Variants in ATG13 observed in about 807,000 individuals in gnomAD.
ATG13 encodes autophagy-related protein 13.
ATG13 carries 23 observed loss-of-function variants against 65.5 expected under a neutral mutation model. The observed-to-expected ratio is 0.35, with a 90% CI of 0.25 to 0.50. The LOEUF is 0.50. Among genes scored for constraint, ATG13 ranks in the 20% least tolerant of loss-of-function variants. ATG13 has a pLI of 0.98. For synonymous variants in ATG13, 252 were observed against 245.2 expected (o/e 1.03, Z -0.26); for missense variants, 566 against 677.0 (o/e 0.84, Z 1.82).
chr11:46,623,418 GTTTTTT>G (rs1293758721), intron 1 of ATG13, among the ~76,000 whole-genome samples: 4 of 151,926 alleles, frequency 2.6e-5, no homozygotes, highest in African/African-American at 4.8e-5. Flanking sequence ...AACTAGTTTT[GTTTTTT>G]TGTTTTTGTT....
intron 1 of ATG13, among the ~76,000 whole-genome samples, chr11:46,622,716 T>G (rs2048146995): frequency 6.6e-6 from 1 of 152,208 alleles, no homozygotes; most frequent in East Asian, 1.9e-4. Flanking sequence ...TTTTATAATG[T>G]GTATTTTTCT....
chr11:46,667,210 T>C (rs1460054351), intron 14 of ATG13, among the ~76,000 whole-genome samples: 1 of 152,120 alleles, frequency 6.6e-6, no homozygotes, highest in African/African-American at 2.4e-5. Context: ...CCACCTTGAA[T>C]CCCCGTTTTT....
chr11:46,672,211 G>T, intron 18 of ATG13, 44 bp from the exon 19 acceptor site: 5 of 1,613,740 alleles, frequency 3.1e-6, no homozygotes, highest in Admixed American at 1.7e-5. Context: ...GCCTCCTCAA[G>T]GCCCTGCCTG....
At chr11:46,644,585 A>ATT (rs199576150) in intron 3 of ATG13, among the ~76,000 whole-genome samples, 13 of 144,070 alleles carry the variant, frequency 9.0e-5, no homozygotes, top group South Asian at 4.4e-4. Context: ...CAAAAAAAAA[A>ATT]TTTTTTTTTT....
intron 2 of ATG13, among the ~76,000 whole-genome samples, chr11:46,643,470 T>C (rs1305783482): frequency 6.6e-6 from 1 of 152,182 alleles, no homozygotes; most frequent in Non-Finnish European, 1.5e-5. Context: ...CTCAATCCTT[T>C]GGAAAACTGG....
intron 18 of ATG13, among the ~76,000 whole-genome samples, chr11:46,670,204 C>T (rs1389444764): frequency 3.3e-5 from 5 of 152,132 alleles, no homozygotes; most frequent in African/African-American, 1.2e-4. Flanking sequence ...CAGTAATAGC[C>T]AGGTGCAGTG....
chr11:46,633,590 G>A (rs995968067), intron 2 of ATG13, among the ~76,000 whole-genome samples: 3 of 151,830 alleles, frequency 2.0e-5, no homozygotes, highest in Admixed American at 2.0e-4. Flanking sequence ...TAGGTGATCC[G>A]CCTGCCTCTG....
chr11:46,645,993 A>G lies in ATG13; in HGVS notation c.270+4A>G. The G allele has an allele frequency of 1.9e-6, 3 of 1,614,066 alleles. No homozygotes were observed. The highest frequency in any genetic ancestry group is 2.5e-6 in the Non-Finnish European group (3 of 1,179,952). On this transcript the variant is annotated splice_donor_region_variant and intron_variant, in intron 5 of 18. Transcript: ENST00000683050. Reference sequence around the variant, plus strand: ...GATTTCACTTAAGACTTCTGAGGTAAGGCTATGGCCAGGTTGGTGTCTTCA... The same window carrying G: ...GATTTCACTTAAGACTTCTGAGGTAGGGCTATGGCCAGGTTGGTGTCTTCA...
At chr11:46,637,162 T>C (rs2054261000) in intron 2 of ATG13, among the ~76,000 whole-genome samples, 1 of 152,242 alleles carries the variant, frequency 6.6e-6, no homozygotes, top group South Asian at 2.1e-4. Context: ...TTTTTGGTGA[T>C]GGTTTTACCA....
chr11:46,624,005 C>T (rs1416788094), intron 1 of ATG13, among the ~76,000 whole-genome samples: 1 of 148,904 alleles, frequency 6.7e-6, no homozygotes, highest in Non-Finnish European at 1.5e-5. Flanking sequence ...TTATCAAATT[C>T]AGGAATTTTT....
chr11:46,630,568 C>CT (rs35243801), intron 2 of ATG13, among the ~76,000 whole-genome samples: 2,484 of 120,686 alleles, frequency 0.021, 104 homozygotes, highest in South Asian at 0.065. Flanking sequence ...AAATTAGAGG[C>CT]TTTTTTTTTT....
At chr11:46,661,144 G>T (rs1431617291) in intron 11 of ATG13, among the ~76,000 whole-genome samples, 1 of 152,102 alleles carries the variant, frequency 6.6e-6, no homozygotes, top group Non-Finnish European at 1.5e-5. Flanking sequence ...TCCCACCTCA[G>T]TCTCCCAAGT....
intron 17 of ATG13, 58 bp downstream of exon 17, chr11:46,668,968 A>G (rs2063067153): frequency 7.5e-7 from 1 of 1,338,662 alleles, no homozygotes; most frequent in African/African-American, 1.4e-5. Flanking sequence ...ACCTAGAAGC[A>G]TCTACTGCAC....
In ATG13 at chr11:46,668,559, G is replaced by C. The variant is rs1271090691; in HGVS notation, c.1312G>C (p.Glu438Gln). The stretch of plus-strand genomic sequence containing the variant: ...GTTTGCTCCCAAGAATTTGGAGCTG[G>C]AGGATACCGATCCAATGGTGAGCCC... ...AMFAPKNLELEDTDPMVNPPD... is the reference protein window; with the variant it reads ...AMFAPKNLELQDTDPMVNPPD... The change falls in exon 16 of 19, where the codon GAG (glutamate) becomes CAG (glutamine). Residue 438 changes from glutamate (E) to glutamine (Q), a missense_variant. Around this residue, in one of 2 missense-constraint regions of ATG13, gnomAD observed 387 missense variants for 409.8 expected, o/e 0.94. Transcript: ENST00000683050. 6.2e-7 allele frequency: 1 copy of C among 1,614,182 alleles called. No homozygotes were observed. The highest frequency in any genetic ancestry group is 1.1e-5 in the South Asian group (1 of 91,088).
chr11:46,652,202 C>G (rs1270824789), intron 7 of ATG13, among the ~76,000 whole-genome samples: 3 of 151,994 alleles, frequency 2.0e-5, no homozygotes, highest in Non-Finnish European at 2.9e-5. Context: ...GAACCAAGAT[C>G]ACACCACTGC....
intron 11 of ATG13, among the ~76,000 whole-genome samples, chr11:46,662,536 A>G (rs1457717459): frequency 1.3e-5 from 2 of 152,170 alleles, no homozygotes; most frequent in African/African-American, 2.4e-5. Context: ...TCTTATTGCA[A>G]TTTAAAACTA....
chr11:46,647,148 T>A (rs928925490), intron 5 of ATG13, among the ~76,000 whole-genome samples: 21 of 152,196 alleles, frequency 1.4e-4, no homozygotes, highest in African/African-American at 5.1e-4. Context: ...CTCTAGAAAC[T>A]TTCCCCCTTT....
At chr11:46,670,092 C>T (rs1427235516) in intron 18 of ATG13, among the ~76,000 whole-genome samples, 1 of 152,172 alleles carries the variant, frequency 6.6e-6, no homozygotes, top group African/African-American at 2.4e-5. Context: ...GGAGATGTCC[C>T]TCTTTGAGGT....
intron 18 of ATG13, 72 bp from the exon 19 acceptor site, chr11:46,672,183 T>C: frequency 6.2e-7 from 1 of 1,608,472 alleles, no homozygotes; most frequent in Non-Finnish European, 8.5e-7. Flanking sequence ...GCCTCCCCTC[T>C]TCGGGACTGG....
Sources: gnomAD v4.1 joint callset for allele counts (sites outside exome capture counted in the v4.1 genomes callset) on GRCh38, gnomAD v4.1.1 for gene constraint, gnomAD v4.1.1 regional missense constraint, MANE v1.5 for transcripts, NCBI Gene and HGNC (gene_info 2026-07-23, HGNC 2026-07-21) for gene names.